The following ZNF565 variants were observed in gnomAD, a reference collection of about 807,000 sequenced individuals.
The protein encoded by ZNF565 is zinc finger protein 565.
A neutral mutation model predicts 39.4 loss-of-function variants in ZNF565; 27 were observed. That is an observed-to-expected ratio of 0.69 (90% CI 0.51 to 0.95). The LOEUF (loss-of-function observed/expected upper bound fraction) is 0.95, where lower values mean the gene tolerates loss of function less well. Among genes scored for constraint, ZNF565 ranks in the 40% least tolerant of loss-of-function variants. ZNF565 has a pLI of 0.00. For synonymous variants in ZNF565, 185 were observed against 216.6 expected, an observed-to-expected ratio of 0.85 and a Z score of 1.28; for missense variants, 524 against 621.1, an observed-to-expected ratio of 0.84 and a Z score of 1.66.
rs35345882 is a variant in ZNF565, at chr19:36,210,419, C to CAA, written c.-66+4201_-66+4202dup. Among the ~76,000 whole-genome samples, 441 of 66,366 alleles carry CAA rather than the reference C, an allele frequency of 6.6e-3. 5 individuals are homozygous for CAA. The highest frequency in any genetic ancestry group is 0.014 in the African/African-American group (237 of 17,066). 43.5% of individuals were successfully genotyped at this position (66,366 alleles called of 152,430 possible). ...AGCCTGGGCAAGTAAAATTCTGTCT[C>CAA]AAAAAAAAAAAAAAAAAAAAAAAAA... is the stretch of plus-strand genomic sequence containing the variant. On this transcript the variant is annotated intron_variant, in intron 1 of 4. Coordinates refer to ENST00000304116, the MANE Select transcript of ZNF565 (RefSeq NM_152477.5).
intron 1 of ZNF565, chr19:36,238,473 A>G (rs1470353587): frequency 6.0e-6 from 1 of 167,060 alleles, no homozygotes; most frequent in Non-Finnish European, 1.5e-5. Flanking sequence ...CTTCTCTTTC[A>G]AAAGACTTCA....
chr19:36,226,517 A>G lies in ZNF565; in HGVS notation c.55+18959T>C, dbSNP rs377526878. Among the ~76,000 whole-genome samples the G allele has an allele frequency of 4.6e-5, 7 of 152,314 alleles. No homozygotes were observed. The East Asian group carries it at 9.6e-4, about 21-fold the overall frequency. ...ATGTATCCTTTACCCAATTTCACCA[A>G]TCATTTACATTTTGGTTGTTTTATT... On this transcript the variant is annotated intron_variant, in intron 1 of 4. Transcript: ENST00000355114.
At chr19:36,240,452 G>C (rs371240857) in intron 1 of ZNF565, among the ~76,000 whole-genome samples, 32 of 152,272 alleles carry the variant, frequency 2.1e-4, no homozygotes, top group African/African-American at 7.5e-4. Flanking sequence ...CACAGGGATG[G>C]AGACAGATCA....
intron 1 of ZNF565, among the ~76,000 whole-genome samples, chr19:36,225,490 C>T (rs1438026556): frequency 6.6e-6 from 1 of 151,876 alleles, no homozygotes; most frequent in Non-Finnish European, 1.5e-5. Context: ...CAGTTTTCAT[C>T]TGCTTTGTGA....
chr19:36,242,187 G>A lies in ZNF565; in HGVS notation c.55+3289C>T, dbSNP rs568021765. Among the ~76,000 whole-genome samples the A allele has an allele frequency of 4.6e-5, 7 of 152,182 alleles. No individual in the cohort carries two copies. In the East Asian group the frequency reaches 9.7e-4, roughly 21 times the overall value. On this transcript the variant is annotated intron_variant, in intron 1 of 4. Coordinates refer to the ZNF565 transcript ENST00000355114. ...AGCACTTTGGGAGGCCGAGGCGGGC[G>A]GATCACCTGAGATCAGGAGTTCAAG...
At chr19:36,185,644 T>C (rs542155111) in intron 4 of ZNF565, among the ~76,000 whole-genome samples, 4 of 151,982 alleles carry the variant, frequency 2.6e-5, no homozygotes, top group African/African-American at 9.6e-5. Flanking sequence ...TTCTTCCATC[T>C]ATCAAGAATC....
intron 4 of ZNF565, among the ~76,000 whole-genome samples, chr19:36,192,807 A>C (rs1035948647): frequency 1.3e-5 from 2 of 149,498 alleles, no homozygotes; most frequent in Non-Finnish European, 3.0e-5. Context: ...CAGCCAATAA[A>C]ATGGTTTTTT....
At chr19:36,194,667 C>T (rs1975692403) in intron 3 of ZNF565, 2 of 469,694 alleles carry the variant, frequency 4.3e-6, no homozygotes, top group African/African-American at 2.0e-5. Flanking sequence ...TTCCTTGATG[C>T]TCCTGGCCTT....
chr19:36,202,982 C>T (rs554784746), intron 1 of ZNF565, among the ~76,000 whole-genome samples: 55 of 152,256 alleles, frequency 3.6e-4, no homozygotes, highest in African/African-American at 1.3e-3. Flanking sequence ...TTCTAGAAGT[C>T]TCTTGGCCCA....
rs1011702536 is a variant in ZNF565, at chr19:36,245,254, C to A, written c.55+222G>T. The stretch of plus-strand genomic sequence containing the variant: ...GGTTTAGAGCTACAGGGTTTTCTCC[C>A]TCCCCTGAGACTCTAACGCGTGCAC... On this transcript the variant is annotated intron_variant, in intron 1 of 4. Coordinates refer to the ZNF565 transcript ENST00000355114. The surrounding 1 kb of genome is among the most constrained non-coding windows in gnomAD (Gnocchi z 4.4). 1.3e-5 allele frequency among the ~76,000 whole-genome samples: 2 copies of A among 152,162 alleles called. No homozygotes were observed. Among genetic ancestry groups the A allele is most frequent in the African/African-American group, 4.8e-5 (2 of 41,444 alleles).
chr19:36,217,053 G>GTCTTTT (rs1167445835), upstream of ZNF565, among the ~76,000 whole-genome samples: 1 of 71,826 alleles, frequency 1.4e-5, no homozygotes, highest in Non-Finnish European at 3.0e-5. Flanking sequence ...GCCAGTCCCT[G>GTCTTTT]TCTTTTTTTT....
chr19:36,209,557 G>A (rs1976278571), intron 1 of ZNF565, among the ~76,000 whole-genome samples: 1 of 141,466 alleles, frequency 7.1e-6, no homozygotes, highest in Non-Finnish European at 1.5e-5. Context: ...CAATGGGATT[G>A]GGAGAGAAGA....
chr19:36,191,010 A>AC (rs1375934284), intron 4 of ZNF565, among the ~76,000 whole-genome samples: 7 of 144,998 alleles, frequency 4.8e-5, no homozygotes, highest in African/African-American at 7.7e-5. Context: ...AAAAAAAAAA[A>AC]CACATAAAAA....
At chr19:36,218,022 C>G (rs1976684094), upstream of ZNF565, 1 of 151,374 alleles carries the variant, frequency 6.6e-6, no homozygotes, top group African/African-American at 2.4e-5. Flanking sequence ...CCAGGCTGGT[C>G]TCGAACTCCT....
chr19:36,233,956 G>A (rs182630875), intron 1 of ZNF565, among the ~76,000 whole-genome samples: 3 of 152,252 alleles, frequency 2.0e-5, no homozygotes, highest in East Asian at 1.9e-4. Flanking sequence ...CCCTTCCCGC[G>A]GGGCCATATT....
At chr19:36,242,087 C>A (rs1277589322) in intron 1 of ZNF565, among the ~76,000 whole-genome samples, 1 of 152,172 alleles carries the variant, frequency 6.6e-6, no homozygotes, top group African/African-American at 2.4e-5. Flanking sequence ...AACTGAAGTT[C>A]AACATGCAGA....
At chr19:36,237,265 A>G (rs762295177) in intron 1 of ZNF565, 11 of 1,613,998 alleles carry the variant, frequency 6.8e-6, no homozygotes, top group South Asian at 1.1e-5. Flanking sequence ...AATGTGGGAA[A>G]GCTTTCAGCC....
At chr19:36,196,555 C>T (rs1233163354) in intron 2 of ZNF565, among the ~76,000 whole-genome samples, 1 of 152,220 alleles carries the variant, frequency 6.6e-6, no homozygotes, top group East Asian at 1.9e-4. Context: ...GACAGCAGGA[C>T]ACTTCTATCT....
intron 1 of ZNF565, among the ~76,000 whole-genome samples, chr19:36,242,795 G>C (rs954337322): frequency 1.3e-5 from 2 of 152,294 alleles, no homozygotes; most frequent in African/African-American, 4.8e-5. Context: ...AAGATATACA[G>C]GTGTCCAGCA....
Sources: gnomAD v4.1 joint callset for allele counts (sites outside exome capture counted in the v4.1 genomes callset) on GRCh38, gnomAD v4.1.1 for gene constraint, Gnocchi (gnomAD v3.1) non-coding constraint, MANE v1.5 for transcripts, NCBI Gene and HGNC (gene_info 2026-07-23, HGNC 2026-07-21) for gene names.